The following SOS2 variants were observed in gnomAD, a reference collection of about 807,000 sequenced individuals.
The protein encoded by SOS2 is son of sevenless homolog 2.
A neutral mutation model predicts 148.2 loss-of-function variants in SOS2; 65 were observed. That is an observed-to-expected ratio of 0.44 (90% confidence interval 0.36 to 0.54). The LOEUF is 0.54. Among genes scored for constraint, SOS2 ranks in the 20% least tolerant of loss-of-function variants. The pLI is 0.00. For synonymous variants in SOS2, 539 were observed against 537.1 expected, an observed-to-expected ratio of 1.00 and a Z score of -0.05; for missense variants, 1,341 against 1,590.2, an observed-to-expected ratio of 0.84 and a Z score of 2.67.
intron 4 of SOS2, among the ~76,000 whole-genome samples, chr14:50,196,317 A>T (rs541995222): frequency 6.6e-6 from 1 of 152,302 alleles, no homozygotes; most frequent in African/African-American, 2.4e-5. Context: ...GTGGGTACAT[A>T]GTAGGTGTAT....
At chr14:50,166,355 G>A (rs1346772279) in intron 8 of SOS2, among the ~76,000 whole-genome samples, 1 of 151,872 alleles carries the variant, frequency 6.6e-6, no homozygotes. Flanking sequence ...CCCAACCCCT[G>A]AGTAGCTTGG....
At chr14:50,143,946 C>T (rs1440714025) in intron 16 of SOS2, among the ~76,000 whole-genome samples, 1 of 151,538 alleles carries the variant, frequency 6.6e-6, no homozygotes, top group African/African-American at 2.4e-5. Context: ...GGTGAGAGCC[C>T]CCACACCTGG....
chr14:50,157,648 T>A (rs1422200942), intron 11 of SOS2, among the ~76,000 whole-genome samples: 1 of 152,132 alleles, frequency 6.6e-6, no homozygotes, highest in East Asian at 1.9e-4. Flanking sequence ...TGGAAACAAC[T>A]AAGTAGATCC....
rs1175960937 is a variant in SOS2 at position 50,133,249 on chromosome 14, C to CTTTTTTTT, written c.3075+866_3075+873dup. Among the ~76,000 whole-genome samples the CTTTTTTTT allele has an allele frequency of 5.7e-5, 6 of 105,636 alleles. 1 individual carries two copies. The highest frequency in any genetic ancestry group is 7.3e-5 in the African/African-American group (2 of 27,340). 69.3% of individuals were successfully genotyped at this position (105,636 alleles called of 152,430 possible). ...GAACTTTTTTTCTTTTTTCTTTTTT[C>CTTTTTTTT]TTTTTTTTTTTTTTTGAGACGGGGT... On this transcript the variant is annotated intron_variant, in intron 19 of 22. Transcript: ENST00000216373.
chr14:50,212,923 A>C (rs189156803), intron 1 of SOS2, among the ~76,000 whole-genome samples: 1 of 152,330 alleles, frequency 6.6e-6, no homozygotes, highest in Admixed American at 6.5e-5. Flanking sequence ...GGAATCCAAG[A>C]TACCAGCAAT....
chr14:50,156,200 T>TG (rs1884812467), intron 12 of SOS2: 1 of 151,878 alleles, frequency 6.6e-6, no homozygotes, highest in African/African-American at 2.4e-5. Flanking sequence ...TTTGGTTACT[T>TG]GGACAGTAAA....
chr14:50,160,132 A>C, intron 9 of SOS2, 46 bp from the exon 10 acceptor site: 1 of 1,445,964 alleles, frequency 6.9e-7, no homozygotes, highest in Non-Finnish European at 9.4e-7. Flanking sequence ...TAGCAACCCA[A>C]ATGGTTTCAA....
At chr14:50,174,921 T>C (rs1885474497) in intron 7 of SOS2, among the ~76,000 whole-genome samples, 1 of 152,260 alleles carries the variant, frequency 6.6e-6, no homozygotes, top group Admixed American at 6.5e-5. Context: ...TTTCAGGGAA[T>C]GCTGTATACT....
chr14:50,118,392 G>A lies in SOS2; in HGVS notation c.3951C>T (p.Pro1317=), dbSNP rs749513697. ...PKTYKRELSH[P]PLYRLPLLEN... is the part of the protein sequence containing the mutation. ...CTAGCAAAGGCAGTCTGTACAATGGGGGGTGCGAAAGCTCCCGTTTGTAAG... is the reference window on the plus strand; with the variant it reads ...CTAGCAAAGGCAGTCTGTACAATGGAGGGTGCGAAAGCTCCCGTTTGTAAG... Residue 1317 remains proline, a synonymous_variant, in exon 23 of 23, where the codon CCC becomes CCT. Transcript: ENST00000216373. 1.9e-6 allele frequency: 3 copies of A among 1,614,150 alleles called. No homozygotes were observed. Among genetic ancestry groups the A allele is most frequent in the Admixed American group, 1.7e-5 (1 of 60,016 alleles).
chr14:50,170,185 G>A (rs1885315343), intron 8 of SOS2, among the ~76,000 whole-genome samples: 1 of 146,900 alleles, frequency 6.8e-6, no homozygotes, highest in Non-Finnish European at 1.5e-5. Context: ...TTCTCACCTT[G>A]GCCTCCCAAA....
intron 13 of SOS2, among the ~76,000 whole-genome samples, chr14:50,150,518 T>C (rs1594974120): frequency 6.6e-6 from 1 of 152,128 alleles, no homozygotes; most frequent in East Asian, 1.9e-4. Flanking sequence ...CATTGTTATC[T>C]TGAAGTATTT....
chr14:50,122,391 CTTTTTTT>C (rs71118839), intron 21 of SOS2, among the ~76,000 whole-genome samples: 3 of 88,308 alleles, frequency 3.4e-5, no homozygotes, highest in African/African-American at 9.6e-5. Flanking sequence ...GAACCCTGGG[CTTTTTTT>C]TTTTTTTTTT....
rs1401625359 is a variant in SOS2 at position 50,120,266 on chromosome 14, G to A, written c.3489+9C>T. 1 of 1,346,722 alleles carries A rather than the reference G, an allele frequency of 7.4e-7. No homozygotes were observed. 83.4% of individuals were successfully genotyped at this position (1,346,722 alleles called of 1,614,324 possible). A position where few individuals can be genotyped will look rare whatever the true frequency, so the allele number is the denominator to read the frequency against. On this transcript the variant is annotated intron_variant, in intron 22 of 22. Transcript: ENST00000216373. ...TTTGAATAAGTTGGAGTAAAGTCCT[G>A]TTGATTACCTTGGAATTTGAAGCAT...
upstream of SOS2, among the ~76,000 whole-genome samples, chr14:50,231,800 G>A (rs1317195587): frequency 3.3e-5 from 5 of 152,084 alleles, no homozygotes; most frequent in Non-Finnish European, 2.9e-5. Context: ...GACCGACCCG[G>A]AGTGCGCGTC....
At chr14:50,166,586 TC>T (rs1885175026) in intron 8 of SOS2, among the ~76,000 whole-genome samples, 1 of 152,184 alleles carries the variant, frequency 6.6e-6, no homozygotes, top group South Asian at 2.1e-4. Flanking sequence ...TACCTGATAC[TC>T]ATCATTATCC....
chr14:50,124,758 TTGATG>T (rs1883631622), intron 21 of SOS2, among the ~76,000 whole-genome samples: 2 of 152,194 alleles, frequency 1.3e-5, no homozygotes, highest in Non-Finnish European at 1.5e-5. Flanking sequence ...TATACTTCCT[TTGATG>T]TGAAGTACCC....
intron 19 of SOS2, 117 bp from the exon 20 acceptor site, chr14:50,130,879 C>T (rs1050545717): frequency 7.9e-6 from 6 of 756,158 alleles, no homozygotes; most frequent in Non-Finnish European, 1.2e-5. Flanking sequence ...CTTAAGCGTG[C>T]AGTCCTTCAG....
chr14:50,227,567 C>A (rs1023212087), intron 1 of SOS2, among the ~76,000 whole-genome samples: 2 of 152,162 alleles, frequency 1.3e-5, no homozygotes, highest in Non-Finnish European at 2.9e-5. Flanking sequence ...GCGTCCGCCA[C>A]CACGCCCGGC....
At chr14:50,119,803 C>CTTTTTT (rs59325250) in intron 22 of SOS2, among the ~76,000 whole-genome samples, 4 of 68,526 alleles carry the variant, frequency 5.8e-5, no homozygotes, top group African/African-American at 1.3e-4. Context: ...CCCAACCAGC[C>CTTTTTT]TTTTTTTTTT....
Sources: allele counts gnomAD v4.1 joint callset (sites outside exome capture counted in the v4.1 genomes callset), GRCh38; gene constraint gnomAD v4.1.1; transcripts MANE v1.5; gene names NCBI Gene and HGNC (gene_info 2026-07-23, HGNC 2026-07-21).